Variants in CCDC85A observed in about 807,000 individuals in gnomAD.
CCDC85A encodes coiled-coil domain containing 85A, also known as coiled-coil domain-containing protein 85A.
CCDC85A carries 38 observed loss-of-function variants against 50.2 expected under a neutral mutation model. The observed-to-expected ratio is 0.76, with a 90% CI of 0.58 to 0.99. CCDC85A has a LOEUF of 0.99. Among genes scored for constraint, CCDC85A ranks in the 50% least tolerant of loss-of-function variants. The pLI is 0.00. For synonymous variants in CCDC85A, 366 were observed against 301.4 expected (o/e 1.21, Z -2.22); for missense variants, 820 against 742.0 (o/e 1.11, Z -1.22).
At chr2:56,270,662 T>C (rs1441571700) in intron 2 of CCDC85A, among the ~76,000 whole-genome samples, 1 of 152,238 alleles carries the variant, frequency 6.6e-6, no homozygotes, top group Admixed American at 6.5e-5. Flanking sequence ...GTTTTTTAAC[T>C]TTATTTTTAA....
In CCDC85A at chr2:56,193,396, A is replaced by T; in HGVS notation, c.1196A>T (p.Glu399Val). 1 of 1,610,998 alleles carries T rather than the reference A, an allele frequency of 6.2e-7. No homozygotes were observed. The highest frequency in any genetic ancestry group is 1.7e-5 in the Admixed American group (1 of 59,566). Reference protein sequence around the residue: ...REGTLRRQAQEDGSPHHRNVY... With the variant: ...REGTLRRQAQVDGSPHHRNVY... ...GGCACCCTCAGACGGCAGGCACAGGAGGACGGGTCACCCCATCACCGGAAT... is the reference window on the plus strand; with the variant it reads ...GGCACCCTCAGACGGCAGGCACAGGTGGACGGGTCACCCCATCACCGGAAT... Residue 399 changes from glutamate to valine, a missense_variant, in exon 2 of 6, where the codon GAG (glutamate) becomes GTG (valine). Coordinates refer to ENST00000407595, the MANE Select transcript of CCDC85A (RefSeq NM_001080433.2).
At chr2:56,371,991 C>A (rs1442095900) in intron 3 of CCDC85A, among the ~76,000 whole-genome samples, 1 of 152,036 alleles carries the variant, frequency 6.6e-6, no homozygotes, top group East Asian at 1.9e-4. Context: ...TAGTTTATTT[C>A]TGTATAATAT....
intron 2 of CCDC85A, among the ~76,000 whole-genome samples, chr2:56,227,256 C>G (rs1003937450): frequency 1.3e-5 from 2 of 152,018 alleles, no homozygotes; most frequent in African/African-American, 4.8e-5. Context: ...TCAAGATATC[C>G]TGTTTCTATA....
intron 2 of CCDC85A, among the ~76,000 whole-genome samples, chr2:56,279,280 A>C (rs1457747957): frequency 6.6e-6 from 1 of 152,224 alleles, no homozygotes; most frequent in Non-Finnish European, 1.5e-5. Flanking sequence ...TAATTCACAT[A>C]TGCAGTTCAC....
chr2:56,334,468 G>C (rs1239122716), intron 2 of CCDC85A, among the ~76,000 whole-genome samples: 1 of 152,170 alleles, frequency 6.6e-6, no homozygotes, highest in Non-Finnish European at 1.5e-5. Flanking sequence ...AATAGGTAGA[G>C]AAATCACAAG....
chr2:56,306,358 C>T (rs555500130), intron 2 of CCDC85A, among the ~76,000 whole-genome samples: 1 of 152,232 alleles, frequency 6.6e-6, no homozygotes, highest in South Asian at 2.1e-4. Context: ...GAACTCCTGA[C>T]CTCAGGTGGT....
At chr2:56,358,766 C>T (rs370368383) in intron 3 of CCDC85A, among the ~76,000 whole-genome samples, 5 of 150,108 alleles carry the variant, frequency 3.3e-5, no homozygotes, top group East Asian at 4.0e-4. Context: ...TGGGTTATCT[C>T]TTATATTTTT....
intron 2 of CCDC85A, among the ~76,000 whole-genome samples, chr2:56,231,234 C>A (rs899390561): frequency 6.6e-6 from 1 of 152,150 alleles, no homozygotes; most frequent in Admixed American, 6.6e-5. Flanking sequence ...GGTAAAACAG[C>A]TTATGCTAAT....
At chr2:56,226,505 G>A (rs1293794876) in intron 2 of CCDC85A, among the ~76,000 whole-genome samples, 1 of 152,140 alleles carries the variant, frequency 6.6e-6, no homozygotes, top group South Asian at 2.1e-4. Context: ...TAGCAACTAT[G>A]TCATATTTTT....
At chr2:56,274,991 G>C (rs1034898383) in intron 2 of CCDC85A, among the ~76,000 whole-genome samples, 3 of 152,096 alleles carry the variant, frequency 2.0e-5, no homozygotes, top group African/African-American at 7.2e-5. Flanking sequence ...TTCTTATAAG[G>C]ACACTAATTT....
intron 2 of CCDC85A, among the ~76,000 whole-genome samples, chr2:56,231,430 A>C (rs748751709): frequency 3.9e-5 from 6 of 152,174 alleles, no homozygotes; most frequent in Non-Finnish European, 7.4e-5. Context: ...AATTAAGTCT[A>C]TGGGTTCTGA....
At chr2:56,325,249 A>T (rs1262607676) in intron 2 of CCDC85A, among the ~76,000 whole-genome samples, 1 of 152,126 alleles carries the variant, frequency 6.6e-6, no homozygotes, top group East Asian at 1.9e-4. Flanking sequence ...ATGTATAATT[A>T]TAGGCTATAT....
chr2:56,188,579 C>T (rs550143601), intron 1 of CCDC85A, among the ~76,000 whole-genome samples: 2 of 152,284 alleles, frequency 1.3e-5, no homozygotes, highest in Admixed American at 6.5e-5. Flanking sequence ...CTATCAAATG[C>T]CAGGATTAAA....
chr2:56,381,571 A>G (rs941518146), intron 5 of CCDC85A, among the ~76,000 whole-genome samples: 3 of 152,104 alleles, frequency 2.0e-5, no homozygotes, highest in Non-Finnish European at 4.4e-5. Context: ...CCAGAAATTA[A>G]GTTACTTGCT....
At chr2:56,233,770 C>A (rs1668879589) in intron 2 of CCDC85A, among the ~76,000 whole-genome samples, 1 of 152,158 alleles carries the variant, frequency 6.6e-6, no homozygotes. Flanking sequence ...TGTAACCAAT[C>A]CCTGAATTGC....
chr2:56,271,441 T>G (rs1670692826), intron 2 of CCDC85A, among the ~76,000 whole-genome samples: 1 of 152,140 alleles, frequency 6.6e-6, no homozygotes, highest in South Asian at 2.1e-4. Flanking sequence ...GGACATTGTG[T>G]GTGAGCCAGA....
rs1352778935 is a variant in CCDC85A at position 56,375,876 on chromosome 2, A to G, written c.1513A>G (p.Ser505Gly). 80 of 1,613,838 alleles carry G rather than the reference A, an allele frequency of 5.0e-5. No homozygotes were observed. Among genetic ancestry groups the G allele is most frequent in the Non-Finnish European group, 6.5e-5 (77 of 1,179,800 alleles). Reference sequence around the variant, plus strand: ...TAACAGTTCACCCAACTCTGCAGCTAGCTTCAGTGGACATGCCACACCTTC... The same window carrying G: ...TAACAGTTCACCCAACTCTGCAGCTGGCTTCAGTGGACATGCCACACCTTC... ...GSNSSPNSAA[S>G]FSGHATPSQQ... The change falls in exon 5 of 6, where the codon AGC becomes GGC. Residue 505 changes from serine (S) to glycine (G), a missense_variant. Transcript: ENST00000407595.
chr2:56,315,023 A>G (rs1282657302), intron 2 of CCDC85A, among the ~76,000 whole-genome samples: 1 of 152,116 alleles, frequency 6.6e-6, no homozygotes, highest in Non-Finnish European at 1.5e-5. Context: ...TTGCCTTACT[A>G]GAAGAACTTC....
chr2:56,351,016 C>A (rs1417839777), intron 3 of CCDC85A, among the ~76,000 whole-genome samples: 2 of 94,486 alleles, frequency 2.1e-5, no homozygotes, highest in African/African-American at 4.2e-5. Flanking sequence ...CCCCACCCCA[C>A]AACAGTCCCC....
Sources: gnomAD v4.1 joint callset for allele counts (sites outside exome capture counted in the v4.1 genomes callset) on GRCh38, gnomAD v4.1.1 for gene constraint, MANE v1.5 for transcripts, NCBI Gene and HGNC (gene_info 2026-07-23, HGNC 2026-07-21) for gene names.